CELF2: variants seen among roughly 807,000 people sequenced by gnomAD.
The protein encoded by CELF2 is CUG triplet repeat RNA-binding protein 2.
In CELF2, 8 loss-of-function variants were observed where a neutral mutation model predicts 62.6. The ratio of observed to expected loss-of-function variants is 0.13; its 90% CI spans 0.07 to 0.23. CELF2 has a LOEUF of 0.23. Among genes scored for constraint, CELF2 ranks in the 10% least tolerant of loss-of-function variants. The pLI is 1.00. For missense variants in CELF2, 333 were observed against 671.0 expected, an observed-to-expected ratio of 0.50 and a Z score of 5.56; for synonymous variants, 258 against 250.0, an observed-to-expected ratio of 1.03 and a Z score of -0.30.
the CELF2 span, among the ~76,000 whole-genome samples, chr10:10,738,435 G>A: frequency 1.3e-5 from 2 of 152,086 alleles, no homozygotes; most frequent in South Asian, 2.1e-4. Flanking sequence ...CACTCCCTTG[G>A]CCAGGTGATC....
intron 2 of CELF2, among the ~76,000 whole-genome samples, chr10:11,194,537 G>C (rs1163931692): frequency 3.9e-5 from 6 of 152,128 alleles, no homozygotes; most frequent in Admixed American, 3.9e-4. Context: ...TGAACATTCA[G>C]GGTCCACACA....
At chr10:11,162,556 A>G (rs1214528518) in intron 1 of CELF2, among the ~76,000 whole-genome samples, 1 of 151,196 alleles carries the variant, frequency 6.6e-6, no homozygotes, top group Non-Finnish European at 1.5e-5. Context: ...GGAGATGGAG[A>G]CACACTATGT....
the CELF2 span, among the ~76,000 whole-genome samples, chr10:10,740,881 C>T: frequency 6.6e-6 from 1 of 151,636 alleles, no homozygotes; most frequent in Non-Finnish European, 1.5e-5. Context: ...TTTTTTAAGT[C>T]GATTACATAG....
At chr10:10,584,860 G>A in the CELF2 span, among the ~76,000 whole-genome samples, 2 of 152,164 alleles carry the variant, frequency 1.3e-5, no homozygotes, top group African/African-American at 4.8e-5. Flanking sequence ...TTAAGTTTTA[G>A]TGTTAATTTA....
chr10:10,821,612 C>A (rs2056969623), intron 1 of CELF2, among the ~76,000 whole-genome samples: 1 of 152,124 alleles, frequency 6.6e-6, no homozygotes, highest in African/African-American at 2.4e-5. Context: ...TCTTCCAGCT[C>A]CAGGGCTTAC....
At chr10:10,547,695 G>T in the CELF2 span, among the ~76,000 whole-genome samples, 2 of 114,660 alleles carry the variant, frequency 1.7e-5, no homozygotes, top group Non-Finnish European at 4.0e-5. Context: ...GAGAGAGAGT[G>T]TGTGTGTGTG....
chr10:10,836,273 G>A (rs986417414), intron 1 of CELF2, among the ~76,000 whole-genome samples: 3 of 150,728 alleles, frequency 2.0e-5, no homozygotes, highest in African/African-American at 7.3e-5. Context: ...GGTGGAGAGA[G>A]AAAGAAGAAC....
At chr10:10,646,533 G>C in the CELF2 span, among the ~76,000 whole-genome samples, 1 of 152,196 alleles carries the variant, frequency 6.6e-6, no homozygotes, top group South Asian at 2.1e-4. Context: ...ACACTTGGTA[G>C]TGTTAAATAT....
chr10:10,578,766 A>C, the CELF2 span, among the ~76,000 whole-genome samples: 5 of 152,282 alleles, frequency 3.3e-5, no homozygotes, highest in South Asian at 8.3e-4. Context: ...GGGTAGATTC[A>C]GTCCTTCCAT....
the CELF2 span, among the ~76,000 whole-genome samples, chr10:10,747,489 G>A: frequency 4.6e-5 from 7 of 152,146 alleles, no homozygotes; most frequent in Non-Finnish European, 7.4e-5. Flanking sequence ...GACGGAAGGC[G>A]GCAGGCACCT....
At chr10:10,474,783 C>T in the CELF2 span, among the ~76,000 whole-genome samples, 2 of 151,946 alleles carry the variant, frequency 1.3e-5, no homozygotes, top group South Asian at 2.1e-4. Flanking sequence ...GACTGTTCTA[C>T]GGAAAGTAGA....
At chr10:11,133,512 G>A (rs971172037) in intron 1 of CELF2, among the ~76,000 whole-genome samples, 2 of 152,194 alleles carry the variant, frequency 1.3e-5, no homozygotes, top group Non-Finnish European at 2.9e-5. Context: ...ATTGTAAAGG[G>A]AAAGTTGTAC....
At chr10:10,724,361 G>C in the CELF2 span, among the ~76,000 whole-genome samples, 3 of 152,148 alleles carry the variant, frequency 2.0e-5, no homozygotes, top group Admixed American at 2.0e-4. Flanking sequence ...GGGTGTGGTG[G>C]CTCAGGCCTG....
the CELF2 span, among the ~76,000 whole-genome samples, chr10:10,465,003 G>A: frequency 2.6e-5 from 4 of 152,092 alleles, no homozygotes; most frequent in Non-Finnish European, 5.9e-5. Context: ...ATGAGCTCTT[G>A]CGGCATTTGG....
At chr10:10,866,650 G>A (rs1195246692) in intron 1 of CELF2, among the ~76,000 whole-genome samples, 2 of 147,762 alleles carry the variant, frequency 1.4e-5, no homozygotes, top group Admixed American at 6.8e-5. Context: ...ATCAGGTTTC[G>A]TGCAGCTAAT....
chr10:10,783,994 A>T, the CELF2 span, among the ~76,000 whole-genome samples: 1 of 152,206 alleles, frequency 6.6e-6, no homozygotes, highest in Admixed American at 6.5e-5. Context: ...CCCAAAAAAA[A>T]AAAATAAATA....
intron 1 of CELF2, among the ~76,000 whole-genome samples, chr10:10,899,754 A>C (rs112044652): frequency 8.5e-5 from 13 of 152,280 alleles, no homozygotes; most frequent in Admixed American, 3.3e-4. Context: ...AGTGACGGGG[A>C]AGCTAGAGCA....
chr10:10,474,332 G>T, the CELF2 span, among the ~76,000 whole-genome samples: 6 of 152,114 alleles, frequency 3.9e-5, no homozygotes, highest in Non-Finnish European at 5.9e-5. Flanking sequence ...AAGCTTAACA[G>T]AGTAAGTTGG....
the CELF2 span, among the ~76,000 whole-genome samples, chr10:10,690,515 A>G: frequency 3.9e-5 from 6 of 152,208 alleles, no homozygotes; most frequent in South Asian, 1.2e-3. Context: ...ACCCGCTCCC[A>G]TCAAGCATCC....
Sources: allele counts gnomAD v4.1 joint callset (sites outside exome capture counted in the v4.1 genomes callset), GRCh38; gene constraint gnomAD v4.1.1; transcripts MANE v1.5; gene names NCBI Gene and HGNC (gene_info 2026-07-23, HGNC 2026-07-21).